The following VSTM2L variants were observed in gnomAD, a reference collection of about 807,000 sequenced individuals.
The protein encoded by VSTM2L is V-set and transmembrane domain-containing protein 2-like protein.
A neutral mutation model predicts 19.9 loss-of-function variants in VSTM2L; 9 were observed. The ratio of observed to expected loss-of-function variants is 0.45; its 90% CI spans 0.27 to 0.79. The LOEUF (loss-of-function observed/expected upper bound fraction) is 0.79, where lower values mean the gene tolerates loss of function less well. Among genes scored for constraint, VSTM2L ranks in the 30% least tolerant of loss-of-function variants. The probability of loss-of-function intolerance (pLI) is 0.15; values close to 1 mark genes in which losing one functional copy is unlikely to be tolerated. For synonymous variants in VSTM2L, 127 were observed against 133.8 expected (o/e 0.95, Z 0.35); for missense variants, 286 against 295.5 (o/e 0.97, Z 0.24).
At chr20:37,925,522 G>A (rs1365807737) in intron 1 of VSTM2L, among the ~76,000 whole-genome samples, 1 of 152,028 alleles carries the variant, frequency 6.6e-6, no homozygotes, top group Non-Finnish European at 1.5e-5. Context: ...TCTCCCTCCG[G>A]GGCAGCTTGG....
rs1600578115 is a variant in VSTM2L, at chr20:37,944,074, G to A, written c.436G>A (p.Asp146Asn). 3 of 1,612,852 alleles carry A rather than the reference G, an allele frequency of 1.9e-6. No individual in the cohort carries two copies. Among genetic ancestry groups the A allele is most frequent in the Non-Finnish European group, 2.5e-6 (3 of 1,179,304 alleles). ...AGGCACCTACGAGTGCCGCGTCATC[G>A]ACTTCAGCGACGGCAAGGCCCGGCA... ...DEGTYECRVI[D>N]FSDGKARHHK... Residue 146 changes from aspartate (D) to asparagine (N), a missense_variant, in exon 4 of 4, where the codon GAC becomes AAC. Coordinates refer to ENST00000373461, the MANE Select transcript of VSTM2L (RefSeq NM_080607.3).
In VSTM2L at chr20:37,933,326, A is replaced by G. The variant is rs570075682; in HGVS notation, c.292-213A>G. 3.3e-5 allele frequency among the ~76,000 whole-genome samples: 5 copies of G among 152,278 alleles called. No homozygotes were observed. The East Asian group carries it at 9.6e-4, about 29-fold the overall frequency. On this transcript the variant is annotated intron_variant, in intron 2 of 3. Transcript: ENST00000373461. Reference sequence around the variant, plus strand: ...GGTCAGTTTTCTACATACCTCCATTATCTTCTTTTGCTCTGACCTCACCTC... The same window carrying G: ...GGTCAGTTTTCTACATACCTCCATTGTCTTCTTTTGCTCTGACCTCACCTC...
At chr20:37,923,884 G>A (rs969911768) in intron 1 of VSTM2L, among the ~76,000 whole-genome samples, 1 of 152,154 alleles carries the variant, frequency 6.6e-6, no homozygotes, top group African/African-American at 2.4e-5. Flanking sequence ...CTGAAAAGGG[G>A]GATAATAATG....
intron 3 of VSTM2L, 28 bp downstream of exon 3, chr20:37,933,617 G>A: frequency 6.2e-7 from 1 of 1,612,956 alleles, no homozygotes; most frequent in Middle Eastern, 1.7e-4. Flanking sequence ...CTTCTCGAAA[G>A]GGCTCTAATG....
chr20:37,910,756 A>G (rs1429054396), intron 1 of VSTM2L, among the ~76,000 whole-genome samples: 2 of 151,666 alleles, frequency 1.3e-5, no homozygotes, highest in Admixed American at 1.3e-4. Flanking sequence ...CTCAAACAAA[A>G]AAAATACAGA....
intron 1 of VSTM2L, among the ~76,000 whole-genome samples, chr20:37,912,509 G>A (rs2072785748): frequency 6.6e-6 from 1 of 152,174 alleles, no homozygotes; most frequent in Admixed American, 6.5e-5. Flanking sequence ...GTGTGGGTGC[G>A]GGCTGTGTCT....
chr20:37,941,624 C>T (rs549307391), intron 3 of VSTM2L, among the ~76,000 whole-genome samples: 2 of 152,284 alleles, frequency 1.3e-5, no homozygotes, highest in East Asian at 3.9e-4. Flanking sequence ...GCTTCCTTCT[C>T]TAGGAGCTGG....
intron 1 of VSTM2L, among the ~76,000 whole-genome samples, chr20:37,926,365 G>T (rs538384882): frequency 1.2e-4 from 18 of 152,154 alleles, no homozygotes; most frequent in African/African-American, 3.6e-4. Context: ...CCCTGCCGCG[G>T]GACTGAGCCT....
In VSTM2L at chr20:37,945,295, A is replaced by G. The variant is rs1321730718; in HGVS notation, c.*1042A>G. 4.1e-6 allele frequency: 4 copies of G among 984,948 alleles called. No individual in the cohort carries two copies. The highest frequency in any genetic ancestry group is 9.4e-5 in the South Asian group (2 of 21,280). 61.0% of individuals were successfully genotyped at this position (984,948 alleles called of 1,614,324 possible). A position where few individuals can be genotyped will look rare whatever the true frequency, so the allele number is the denominator to read the frequency against. On this transcript the variant is annotated 3_prime_UTR_variant, in exon 4 of 4. Transcript: ENST00000373461. ...TTTGCCTAGGGGTGGGTTGCCCTGT[A>G]TACATGATCCAGTCTGTGACTACCA... is the stretch of plus-strand genomic sequence containing the variant.
chr20:37,903,334 C>T lies in VSTM2L; in HGVS notation c.-17C>T, dbSNP rs1186182170. 2.1e-6 allele frequency: 3 copies of T among 1,435,742 alleles called. No individual in the cohort carries two copies. The Admixed American group carries it at 8.8e-5, about 42-fold the overall frequency. The allele number at this position is 1,435,742 out of a possible 1,614,324, so 88.9% of individuals were successfully genotyped here. ...CCCAGATGTGAGGCGGCGGCGCCCC[C>T]GGCCCGAGAGCGCACGATGGGGGCC... is the stretch of plus-strand genomic sequence containing the variant. On this transcript the variant is annotated 5_prime_UTR_variant, in exon 1 of 4. Transcript: ENST00000373461.
Position 37,944,471 on chromosome 20 carries a change from AGGT to A in VSTM2L, c.*221_*223del. 1 of 1,260,756 alleles carries A rather than the reference AGGT, an allele frequency of 7.9e-7. No individual in the cohort carries two copies. The highest frequency in any genetic ancestry group is 1.0e-6 in the Non-Finnish European group (1 of 1,004,466). The allele number at this position is 1,260,756 out of a possible 1,614,324, so 78.1% of individuals were successfully genotyped here. On this transcript the variant is annotated 3_prime_UTR_variant, in exon 4 of 4. Transcript: ENST00000373461. ...CCCCTGCGGTGACCTGGCTCGGAGA[AGGT>A]GGCCCTGGGCACCAAGGGGCCAACC...
At chr20:37,938,950 T>G (rs755489302) in intron 3 of VSTM2L, among the ~76,000 whole-genome samples, 1 of 152,066 alleles carries the variant, frequency 6.6e-6, no homozygotes, top group Non-Finnish European at 1.5e-5. Context: ...CGGAAAGACA[T>G]GAGAAGACCG....
Position 37,931,684 on chromosome 20 carries a change from C to G in VSTM2L, c.171C>G (p.Asp57Glu). The G allele has an allele frequency of 1.2e-6, 2 of 1,613,646 alleles. No homozygotes were observed. Among genetic ancestry groups the G allele is most frequent in the Admixed American group, 1.7e-5 (1 of 60,026 alleles). The change falls in exon 2 of 4, where the codon GAC becomes GAG. Residue 57 changes from aspartate (D) to glutamate (E), a missense_variant. Coordinates refer to ENST00000373461, the MANE Select transcript of VSTM2L (RefSeq NM_080607.3). ...PHDMTARTGE[D>E]VEMACSFRGS... ...ACATGACAGCACGGACGGGCGAGGA[C>G]GTGGAGATGGCCTGCTCCTTCCGCG...
chr20:37,906,762 C>A (rs2072754116), intron 1 of VSTM2L, among the ~76,000 whole-genome samples: 1 of 152,218 alleles, frequency 6.6e-6, no homozygotes, highest in Non-Finnish European at 1.5e-5. Flanking sequence ...GTAACCCAAG[C>A]TTTCTCCCTT....
intron 1 of VSTM2L, among the ~76,000 whole-genome samples, chr20:37,906,274 G>A (rs538638854): frequency 5.3e-5 from 8 of 152,174 alleles, no homozygotes; most frequent in African/African-American, 1.9e-4. Flanking sequence ...TCCACTCAAG[G>A]TACTTGGAAG....
Position 37,944,633 on chromosome 20 carries a change from C to T in VSTM2L, c.*380C>T, listed in dbSNP as rs1173173662. The T allele has an allele frequency of 1.1e-5, 11 of 1,023,432 alleles. No homozygotes were observed. The highest frequency in any genetic ancestry group is 5.1e-5 in the African/African-American group (3 of 58,846). 63.4% of individuals were successfully genotyped at this position (1,023,432 alleles called of 1,614,324 possible). A position where few individuals can be genotyped will look rare whatever the true frequency, so the allele number is the denominator to read the frequency against. ...GTCCTGAGCCGGGGCCCCCCAGCCT[C>T]GCCTCCCTCCTCCTACCATCCCTCA... On this transcript the variant is annotated 3_prime_UTR_variant, in exon 4 of 4. Transcript: ENST00000373461.
intron 1 of VSTM2L, among the ~76,000 whole-genome samples, chr20:37,927,766 C>T (rs574120741): frequency 6.6e-6 from 1 of 152,238 alleles, no homozygotes; most frequent in South Asian, 2.1e-4. Context: ...TGGCCCTTTC[C>T]GAGGAGACCC....
chr20:37,942,687 C>T (rs2072979412), intron 3 of VSTM2L, among the ~76,000 whole-genome samples: 1 of 152,142 alleles, frequency 6.6e-6, no homozygotes. Flanking sequence ...TAGGGGGTCA[C>T]GAGTGTTCCA....
At chr20:37,921,769 G>A (rs1568837592) in intron 1 of VSTM2L, among the ~76,000 whole-genome samples, 2 of 151,598 alleles carry the variant, frequency 1.3e-5, no homozygotes, top group Admixed American at 6.6e-5. Context: ...TTGAAGATGC[G>A]GGGAGGGATA....
Sources: gnomAD v4.1 joint callset for allele counts (sites outside exome capture counted in the v4.1 genomes callset) on GRCh38, gnomAD v4.1.1 for gene constraint, MANE v1.5 for transcripts, NCBI Gene and HGNC (gene_info 2026-07-23, HGNC 2026-07-21) for gene names.